BCAR3: variants seen among roughly 807,000 people sequenced by gnomAD.
BCAR3 encodes the protein breast cancer anti-estrogen resistance protein 3.
A neutral mutation model predicts 80.1 loss-of-function variants in BCAR3; 37 were observed. That is an observed-to-expected ratio of 0.46 (90% CI 0.36 to 0.61). BCAR3 has a LOEUF of 0.61. Ranked by LOEUF, BCAR3 falls within the 20% of genes least tolerant of loss-of-function variation. BCAR3 has a pLI of 0.00. For synonymous variants in BCAR3, 389 were observed against 418.9 expected (o/e 0.93, Z 0.87); for missense variants, 978 against 1,068.2 (o/e 0.92, Z 1.18).
At chr1:93,819,737 A>G (rs1025143758) in intron 2 of BCAR3, among the ~76,000 whole-genome samples, 3 of 152,086 alleles carry the variant, frequency 2.0e-5, no homozygotes, top group Admixed American at 2.0e-4. Context: ...TTATTTATAT[A>G]TTTCCAGTTA....
chr1:93,837,084 C>T (rs557790233), intron 2 of BCAR3, among the ~76,000 whole-genome samples: 109 of 152,190 alleles, frequency 7.2e-4, no homozygotes, highest in Non-Finnish European at 1.2e-3. Flanking sequence ...TGGATGCACA[C>T]GACAGCATCA....
chr1:93,689,926 A>G (rs1244434166), intron 3 of BCAR3, among the ~76,000 whole-genome samples: 1 of 152,244 alleles, frequency 6.6e-6, no homozygotes, highest in African/African-American at 2.4e-5. Flanking sequence ...TCAGTCTCTG[A>G]GAGCAAAGTC....
chr1:93,663,536 A>G (rs1647758061), intron 2 of BCAR3, among the ~76,000 whole-genome samples: 1 of 152,212 alleles, frequency 6.6e-6, no homozygotes, highest in African/African-American at 2.4e-5. Flanking sequence ...ATTGCTTATC[A>G]ATCCAGTGGA....
intron 3 of BCAR3, among the ~76,000 whole-genome samples, chr1:93,603,555 A>C (rs1274489296): frequency 6.6e-6 from 1 of 152,214 alleles, no homozygotes; most frequent in Non-Finnish European, 1.5e-5. Flanking sequence ...GCTCCTTCAA[A>C]TTCTCTCATT....
intron 2 of BCAR3, among the ~76,000 whole-genome samples, chr1:93,831,735 T>C (rs1654573773): frequency 6.6e-6 from 1 of 152,054 alleles, no homozygotes; most frequent in Non-Finnish European, 1.5e-5. Flanking sequence ...CAGGTCCCAA[T>C]TCTTCCTCAG....
At chr1:93,802,980 C>T (rs1398317046) in intron 2 of BCAR3, among the ~76,000 whole-genome samples, 1 of 152,188 alleles carries the variant, frequency 6.6e-6, no homozygotes, top group African/African-American at 2.4e-5. Context: ...CTTCACTTCT[C>T]AGGCTCTTAC....
intron 7 of BCAR3, among the ~76,000 whole-genome samples, chr1:93,577,145 C>T (rs1385333704): frequency 6.6e-6 from 1 of 152,152 alleles, no homozygotes; most frequent in East Asian, 1.9e-4. Flanking sequence ...GAGCAAGACA[C>T]TGTCTCTAAA....
chr1:93,621,122 C>A (rs544743532), intron 3 of BCAR3, among the ~76,000 whole-genome samples: 6 of 152,216 alleles, frequency 3.9e-5, no homozygotes, highest in Admixed American at 1.3e-4. Context: ...CCCATTCCAG[C>A]CTGGAGAGAA....
intron 2 of BCAR3, among the ~76,000 whole-genome samples, chr1:93,671,837 A>G (rs1648212549): frequency 6.6e-6 from 1 of 152,198 alleles, no homozygotes; most frequent in Non-Finnish European, 1.5e-5. Context: ...AAAAAAGAAT[A>G]TAAGGTATTT....
intron 2 of BCAR3, among the ~76,000 whole-genome samples, chr1:93,662,115 T>C (rs1647689321): frequency 6.6e-6 from 1 of 152,228 alleles, no homozygotes; most frequent in Non-Finnish European, 1.5e-5. Context: ...TGCTCTGCAG[T>C]CAGGGGCAGA....
chr1:93,609,321 T>C (rs968047351), intron 3 of BCAR3, among the ~76,000 whole-genome samples: 16 of 152,196 alleles, frequency 1.1e-4, no homozygotes, highest in Admixed American at 9.8e-4. Flanking sequence ...TGGCTGCTCA[T>C]TGACAAGACC....
chr1:93,790,651 ATT>A (rs1553172483), intron 2 of BCAR3, among the ~76,000 whole-genome samples: 3 of 83,546 alleles, frequency 3.6e-5, no homozygotes, highest in South Asian at 4.7e-4. Context: ...TTTTTTCTTA[ATT>A]TTTTTTTTTT....
At chr1:93,675,721 G>A (rs1478977660) in intron 1 of BCAR3, among the ~76,000 whole-genome samples, 1 of 152,036 alleles carries the variant, frequency 6.6e-6, no homozygotes, top group Non-Finnish European at 1.5e-5. Context: ...GGCAAAGGAA[G>A]CATGGAAAGG....
intron 3 of BCAR3, among the ~76,000 whole-genome samples, chr1:93,616,093 G>A (rs1304308627): frequency 6.6e-6 from 1 of 152,162 alleles, no homozygotes; most frequent in Non-Finnish European, 1.5e-5. Context: ...TCCACAGCCA[G>A]GGTAAAAACA....
intron 3 of BCAR3, among the ~76,000 whole-genome samples, chr1:93,617,624 C>T (rs1675168672): frequency 6.6e-6 from 1 of 152,236 alleles, no homozygotes. Flanking sequence ...TATCCTACTC[C>T]CTCTCCCCTA....
chr1:93,669,360 T>C (rs1214115734), intron 2 of BCAR3, among the ~76,000 whole-genome samples: 1 of 152,194 alleles, frequency 6.6e-6, no homozygotes, highest in Admixed American at 6.5e-5. Flanking sequence ...TTCTGGACCT[T>C]ACATCTTTGC....
intron 2 of BCAR3, among the ~76,000 whole-genome samples, chr1:93,717,817 T>C (rs1273538475): frequency 6.6e-6 from 1 of 152,078 alleles, no homozygotes; most frequent in Non-Finnish European, 1.5e-5. Flanking sequence ...GGGTTGTTAT[T>C]GGGGCTGCTC....
intron 2 of BCAR3, among the ~76,000 whole-genome samples, chr1:93,841,345 G>A (rs1654953235): frequency 6.6e-6 from 1 of 152,222 alleles, no homozygotes; most frequent in East Asian, 1.9e-4. Context: ...AGAGACTTGT[G>A]GAGAGCCTGG....
At chr1:93,834,305 GCCTATCCAC>G (rs1270496187) in intron 2 of BCAR3, among the ~76,000 whole-genome samples, 2 of 152,032 alleles carry the variant, frequency 1.3e-5, no homozygotes, top group Non-Finnish European at 2.9e-5. Flanking sequence ...AAATTGTCTT[GCCTATCCAC>G]CCTATGGTGC....
Sources: gnomAD v4.1 joint callset for allele counts (sites outside exome capture counted in the v4.1 genomes callset) on GRCh38, gnomAD v4.1.1 for gene constraint, MANE v1.5 for transcripts, NCBI Gene and HGNC (gene_info 2026-07-23, HGNC 2026-07-21) for gene names.